ZNF385D: variants seen among roughly 807,000 people sequenced by gnomAD.
ZNF385D encodes the protein zinc finger protein 659.
A neutral mutation model predicts 35.8 loss-of-function variants in ZNF385D; 15 were observed. The ratio of observed to expected loss-of-function variants is 0.42; its 90% CI spans 0.28 to 0.64. The LOEUF is 0.64. Among genes scored for constraint, ZNF385D ranks in the 30% least tolerant of loss-of-function variants. The pLI is 0.23. For missense variants in ZNF385D, 474 were observed against 494.6 expected (o/e 0.96, Z 0.39); for synonymous variants, 212 against 186.8 (o/e 1.13, Z -1.10).
chr3:22,293,807 T>C (rs1266855568), intron 2 of ZNF385D, among the ~76,000 whole-genome samples: 1 of 152,134 alleles, frequency 6.6e-6, no homozygotes, highest in Non-Finnish European at 1.5e-5. Flanking sequence ...TGAAAACTAC[T>C]GAATCAGTAT....
intron 3 of ZNF385D, among the ~76,000 whole-genome samples, chr3:21,908,118 ATATCTATCTATCTATCTATCTATC>A (rs61001621): frequency 1.6e-3 from 216 of 135,742 alleles, no homozygotes; most frequent in African/African-American, 5.5e-3. Flanking sequence ...CTTTCTCTCT[ATATCTATCTATCTATCTATCTATC>A]TATCTATCTA....
At chr3:21,729,184 A>T (rs1270314674) in intron 1 of ZNF385D, among the ~76,000 whole-genome samples, 2 of 152,158 alleles carry the variant, frequency 1.3e-5, no homozygotes, top group Non-Finnish European at 2.9e-5. Context: ...GGTTTTACTG[A>T]TGGCAAAAAT....
At chr3:21,672,750 T>C (rs1002566958) in intron 1 of ZNF385D, among the ~76,000 whole-genome samples, 1 of 152,128 alleles carries the variant, frequency 6.6e-6, no homozygotes, top group Non-Finnish European at 1.5e-5. Flanking sequence ...CTAATAATAT[T>C]TTATCTGTCA....
chr3:21,881,946 G>A lies in ZNF385D; in HGVS notation c.326-216918C>T, dbSNP rs74925630. 2.2e-3 allele frequency among the ~76,000 whole-genome samples: 335 copies of A among 152,108 alleles called. 8 individuals carry two copies. In the East Asian group the frequency reaches 0.06, roughly 27 times the overall value. On this transcript the variant is annotated intron_variant, in intron 3 of 5. Coordinates refer to the ZNF385D transcript ENST00000494108. ...AGAATTAGAAGTGGAGCCTAAAGAT[G>A]TTACTGAGTTGTTGCAATCTCAAAA... is the stretch of plus-strand genomic sequence containing the variant.
chr3:21,964,334 GA>G (rs961204708), intron 3 of ZNF385D, among the ~76,000 whole-genome samples: 4 of 121,228 alleles, frequency 3.3e-5, no homozygotes, highest in Non-Finnish European at 6.7e-5. Context: ...AAAAAAGAAA[GA>G]AAAATCCCTG....
chr3:22,108,122 G>A (rs572373842), intron 3 of ZNF385D, among the ~76,000 whole-genome samples: 1 of 151,956 alleles, frequency 6.6e-6, no homozygotes, highest in African/African-American at 2.4e-5. Flanking sequence ...AAATTACACA[G>A]TGTCAGGCAT....
intron 3 of ZNF385D, among the ~76,000 whole-genome samples, chr3:21,772,595 G>C (rs1052093543): frequency 2.0e-5 from 3 of 151,882 alleles, no homozygotes; most frequent in Non-Finnish European, 2.9e-5. Flanking sequence ...TGAAACACTT[G>C]TGCATTGTTG....
At chr3:22,026,851 A>T (rs908943979) in intron 3 of ZNF385D, among the ~76,000 whole-genome samples, 1 of 152,206 alleles carries the variant, frequency 6.6e-6, no homozygotes, top group South Asian at 2.1e-4. Context: ...CCACGTCCCC[A>T]TTCAACTATT....
At chr3:21,569,437 A>G (rs1353422363) in intron 2 of ZNF385D, among the ~76,000 whole-genome samples, 1 of 150,010 alleles carries the variant, frequency 6.7e-6, no homozygotes, top group African/African-American at 2.5e-5. Flanking sequence ...CCATGCTTTT[A>G]TTTTGAGCCT....
chr3:21,876,270 T>G (rs1697962579), intron 3 of ZNF385D, among the ~76,000 whole-genome samples: 1 of 151,022 alleles, frequency 6.6e-6, no homozygotes, highest in South Asian at 2.1e-4. Flanking sequence ...TCTGGTGTGT[T>G]TTTTTTTTCT....
At chr3:22,298,867 T>C (rs543841565) in intron 2 of ZNF385D, among the ~76,000 whole-genome samples, 15 of 152,058 alleles carry the variant, frequency 9.9e-5, no homozygotes, top group African/African-American at 3.4e-4. Context: ...TGTGCTCTTT[T>C]ATTTTCTCAC....
chr3:21,417,125 G>A lies in ZNF385D; in HGVS notation c.*4089C>T, dbSNP rs531102863. On this transcript the variant is annotated 3_prime_UTR_variant, in exon 8 of 8. Transcript: ENST00000281523. ...ATATGGCTTACACTCAGGATGGAAA[G>A]GAATACAGAATATTTTTCTGGACAT... 44 of 152,168 alleles carry A rather than the reference G, an allele frequency of 2.9e-4. No individual in the cohort carries two copies. Among genetic ancestry groups the A allele is most frequent in the African/African-American group, 1.0e-3 (42 of 41,534 alleles). 9.4% of individuals were successfully genotyped at this position (152,168 alleles called of 1,614,324 possible). A position where few individuals can be genotyped will look rare whatever the true frequency, so the allele number is the denominator to read the frequency against.
chr3:21,727,545 GC>G (rs1164700838), intron 1 of ZNF385D, among the ~76,000 whole-genome samples: 1 of 152,200 alleles, frequency 6.6e-6, no homozygotes, highest in Non-Finnish European at 1.5e-5. Flanking sequence ...AGACATTTAT[GC>G]AGCCAAGAAA....
chr3:22,030,565 C>T (rs1257614500), intron 3 of ZNF385D, among the ~76,000 whole-genome samples: 2 of 151,718 alleles, frequency 1.3e-5, no homozygotes, highest in Non-Finnish European at 2.9e-5. Flanking sequence ...CCCTCAGTAT[C>T]ATGAGAACAG....
At position 21,591,651 on chromosome 3, in the gene ZNF385D, C is replaced by G. The variant is rs546845868; in HGVS notation, c.166-26967G>C. 2.6e-4 allele frequency among the ~76,000 whole-genome samples: 39 copies of G among 152,286 alleles called. No individual in the cohort carries two copies. In the South Asian group the frequency reaches 7.9e-3, roughly 31 times the overall value. Reference sequence around the variant, plus strand: ...TACATTTAGTATGTATTAACCTGCACAGGGTCACACCCTGAGCCTCCATTT... The same window carrying G: ...TACATTTAGTATGTATTAACCTGCAGAGGGTCACACCCTGAGCCTCCATTT... On this transcript the variant is annotated intron_variant, in intron 2 of 7. Transcript: ENST00000281523.
intron 2 of ZNF385D, among the ~76,000 whole-genome samples, chr3:22,271,226 A>ATACAGCAG (rs1701161197): frequency 6.6e-6 from 1 of 151,816 alleles, no homozygotes; most frequent in African/African-American, 2.4e-5. Flanking sequence ...GGAGACAGCA[A>ATACAGCAG]TAACAGCTTT....
chr3:21,802,287 C>A (rs1048744442), intron 3 of ZNF385D, among the ~76,000 whole-genome samples: 8 of 152,084 alleles, frequency 5.3e-5, no homozygotes, highest in African/African-American at 1.9e-4. Context: ...AAGCTTACAG[C>A]TTTAATCATG....
At chr3:22,183,918 T>C (rs1695456124) in intron 2 of ZNF385D, among the ~76,000 whole-genome samples, 1 of 152,082 alleles carries the variant, frequency 6.6e-6, no homozygotes, top group African/African-American at 2.4e-5. Flanking sequence ...GAACTGTTAA[T>C]TAAAAAAAGG....
intron 2 of ZNF385D, among the ~76,000 whole-genome samples, chr3:22,205,974 T>A (rs927317974): frequency 6.6e-6 from 1 of 152,052 alleles, no homozygotes; most frequent in East Asian, 1.9e-4. Context: ...GCTGATTGTA[T>A]TCAAAAAGAC....
Sources: allele counts gnomAD v4.1 joint callset (sites outside exome capture counted in the v4.1 genomes callset), GRCh38; gene constraint gnomAD v4.1.1; transcripts MANE v1.5; gene names NCBI Gene and HGNC (gene_info 2026-07-23, HGNC 2026-07-21).